MRC1: variants seen among roughly 807,000 people sequenced by gnomAD.
MRC1 encodes mannose receptor C-type 1, also known as macrophage mannose receptor 1.
MRC1 carries 62 observed loss-of-function variants against 102.9 expected under a neutral mutation model. The observed-to-expected ratio is 0.60, with a 90% confidence interval of 0.49 to 0.74. The LOEUF is 0.74. Among genes scored for constraint, MRC1 ranks in the 30% least tolerant of loss-of-function variants. MRC1 has a pLI of 0.00. For missense variants in MRC1, 1,237 were observed against 862.8 expected, an observed-to-expected ratio of 1.43 and a Z score of -5.43; for synonymous variants, 457 against 298.4, an observed-to-expected ratio of 1.53 and a Z score of -5.48.
At chr10:17,892,952 G>A (rs1463242835) in intron 22 of MRC1, among the ~76,000 whole-genome samples, 2 of 151,012 alleles carry the variant, frequency 1.3e-5, no homozygotes, top group Non-Finnish European at 2.9e-5. Context: ...AGAGGTTGCA[G>A]TGAGCCAGGA....
chr10:17,811,381 A>G (rs1589160111), intron 1 of MRC1, among the ~76,000 whole-genome samples: 1 of 152,234 alleles, frequency 6.6e-6, no homozygotes, highest in Non-Finnish European at 1.5e-5. Flanking sequence ...TTTGCTCAGG[A>G]GTGTTTCCCT....
chr10:17,865,272 T>C (rs1833248565), intron 11 of MRC1: 1 of 152,208 alleles, frequency 6.6e-6, no homozygotes, highest in Non-Finnish European at 1.5e-5. Flanking sequence ...GTAACCTAAA[T>C]AGTGTGATTT....
chr10:17,890,688 G>T (rs1833659102), intron 22 of MRC1, among the ~76,000 whole-genome samples: 1 of 152,184 alleles, frequency 6.6e-6, no homozygotes, highest in African/African-American at 2.4e-5. Context: ...TTCAAACTGT[G>T]TGTGTGTTTT....
In MRC1 at chr10:17,907,555, A is replaced by G. The variant is rs1564627909; in HGVS notation, c.3935A>G (p.Asn1312Ser). 22 of 780,738 alleles carry G rather than the reference A, an allele frequency of 2.8e-5. 1 individual carries two copies. Among genetic ancestry groups the G allele is most frequent in the South Asian group, 2.7e-4 (20 of 74,622 alleles). The allele number at this position is 780,738 out of a possible 1,614,324, so 48.4% of individuals were successfully genotyped here. A position where few individuals can be genotyped will look rare whatever the true frequency, so the allele number is the denominator to read the frequency against. ...CCAGGGACGTGGCTGTGGATAAATAACAGTCCGGTCTCCTTTGTCAACTGG... is the reference window on the plus strand; with the variant it reads ...CCAGGGACGTGGCTGTGGATAAATAGCAGTCCGGTCTCCTTTGTCAACTGG... ...NVEGTWLWINNSPVSFVNWNT... is the reference protein window; with the variant it reads ...NVEGTWLWINSSPVSFVNWNT... The change falls in exon 28 of 30, where the codon AAC becomes AGC. Residue 1312 changes from asparagine to serine, a missense_variant. By Grantham distance (46) the Asn-to-Ser change is conservative. Coordinates refer to ENST00000569591, the MANE Select transcript of MRC1 (RefSeq NM_002438.4).
intron 5 of MRC1, 53 bp from the exon 6 acceptor site, chr10:17,845,236 A>G (rs1480388174): frequency 5.1e-6 from 4 of 780,592 alleles, no homozygotes; most frequent in Admixed American, 1.7e-5. Flanking sequence ...GAGGGATGCT[A>G]TCTGCTGGGA....
intron 22 of MRC1, 105 bp downstream of exon 22, chr10:17,885,540 A>C: frequency 1.4e-6 from 1 of 728,572 alleles, no homozygotes; most frequent in Non-Finnish European, 2.5e-6. Context: ...ATACTCCTTG[A>C]TCTGTTCTAT....
intron 18 of MRC1, 103 bp downstream of exon 18, chr10:17,878,070 C>T: frequency 1.4e-6 from 1 of 734,712 alleles, no homozygotes; most frequent in South Asian, 1.6e-5. Context: ...TTTTAAAAAT[C>T]CTACAGCATT....
intron 4 of MRC1, among the ~76,000 whole-genome samples, chr10:17,839,662 T>A (rs1307011555): frequency 2.0e-5 from 3 of 152,092 alleles, no homozygotes; most frequent in African/African-American, 4.8e-5. Context: ...AAAATAAATT[T>A]AAAAAATGTT....
rs1289996116 is a variant in MRC1, at chr10:17,832,627, G to A, written c.638-1048G>A. Among the ~76,000 whole-genome samples the A allele has an allele frequency of 2.7e-5, 4 of 147,764 alleles. 1 individual carries two copies. The highest frequency in any genetic ancestry group is 1.0e-4 in the African/African-American group (4 of 38,844). On this transcript the variant is annotated intron_variant, in intron 3 of 29. Transcript: ENST00000569591. ...TTTTGAGACGGAGTCTCGCTCTGTC[G>A]CCCAGGCTGGAGTGCAGTGACGCGA... is the stretch of plus-strand genomic sequence containing the variant.
At chr10:17,835,941 G>A (rs1838656061) in intron 4 of MRC1, among the ~76,000 whole-genome samples, 1 of 152,226 alleles carries the variant, frequency 6.6e-6, no homozygotes, top group Non-Finnish European at 1.5e-5. Flanking sequence ...AAAACACTGT[G>A]TTAGTTCCTG....
chr10:17,873,424 A>C (rs967895864), intron 15 of MRC1, among the ~76,000 whole-genome samples: 14 of 152,302 alleles, frequency 9.2e-5, no homozygotes, highest in African/African-American at 3.4e-4. Context: ...TAGTTGACAA[A>C]ATTAAGGCTA....
At chr10:17,894,527 G>A (rs1354422340) in intron 23 of MRC1, among the ~76,000 whole-genome samples, 1 of 150,838 alleles carries the variant, frequency 6.6e-6, no homozygotes, top group Non-Finnish European at 1.5e-5. Flanking sequence ...AGCCTCCTGA[G>A]TAGCTGGGAT....
intron 11 of MRC1, among the ~76,000 whole-genome samples, chr10:17,866,150 C>T (rs905477635): frequency 2.0e-5 from 3 of 151,964 alleles, no homozygotes; most frequent in East Asian, 1.9e-4. Context: ...CTAGTTGAGA[C>T]GTGTCTCATT....
In MRC1 at chr10:17,812,795, A is replaced by T. The variant is rs540256705; in HGVS notation, c.61+3269A>T. Among the ~76,000 whole-genome samples the T allele has an allele frequency of 3.1e-3, 462 of 150,334 alleles. 3 individuals carry two copies. Among genetic ancestry groups the T allele is most frequent in the African/African-American group, 0.011 (448 of 40,816 alleles). On this transcript the variant is annotated intron_variant, in intron 1 of 29. Transcript: ENST00000569591. ...ACCATGTTGGCCAGGCTGGTCTTGA[A>T]CTCCTGACCTCGTGATCTGCCCACC...
At chr10:17,837,291 G>A (rs1564613679) in intron 4 of MRC1, among the ~76,000 whole-genome samples, 18 of 152,190 alleles carry the variant, frequency 1.2e-4, no homozygotes, top group Admixed American at 1.1e-3. Context: ...TCTCTAACGA[G>A]ATTTGTAGTA....
intron 23 of MRC1, 82 bp downstream of exon 23, chr10:17,894,394 CTTTTTTTTTTTT>C (rs34625338): frequency 1.3e-4 from 53 of 406,324 alleles, no homozygotes; most frequent in Non-Finnish European, 1.6e-4. Flanking sequence ...TTCTTTCTTT[CTTTTTTTTTTTT>C]TTTTTTTTTT....
chr10:17,842,899 G>C (rs1838772123), intron 5 of MRC1, among the ~76,000 whole-genome samples: 1 of 152,204 alleles, frequency 6.6e-6, no homozygotes, highest in Non-Finnish European at 1.5e-5. Flanking sequence ...GTAGGTGCAA[G>C]ATTAAATCAC....
intron 1 of MRC1, among the ~76,000 whole-genome samples, chr10:17,815,212 C>T (rs1554837742): frequency 6.6e-6 from 1 of 152,088 alleles, no homozygotes; most frequent in Admixed American, 6.6e-5. Flanking sequence ...AGTGGAAGCA[C>T]AGAGTAATGT....
At chr10:17,824,285 A>G (rs1838441177) in intron 2 of MRC1, among the ~76,000 whole-genome samples, 1 of 152,240 alleles carries the variant, frequency 6.6e-6, no homozygotes, top group Non-Finnish European at 1.5e-5. Context: ...AGATGATGTT[A>G]TAATCACATT....
Sources: allele counts gnomAD v4.1 joint callset (sites outside exome capture counted in the v4.1 genomes callset), GRCh38; gene constraint gnomAD v4.1.1; transcripts MANE v1.5; gene names NCBI Gene and HGNC (gene_info 2026-07-23, HGNC 2026-07-21).